Variants in SEPTIN2 observed in about 807,000 individuals in gnomAD.
SEPTIN2 encodes the protein septin 2.
SEPTIN2 carries 34 observed loss-of-function variants against 46.5 expected under a neutral mutation model. The ratio of observed to expected loss-of-function variants is 0.73; its 90% confidence interval spans 0.56 to 0.97. SEPTIN2 has a LOEUF of 0.97. SEPTIN2 is among the 50% of genes least tolerant of loss of function. The pLI is 0.00. For synonymous variants in SEPTIN2, 175 were observed against 153.4 expected (o/e 1.14, Z -1.04); for missense variants, 347 against 448.4 (o/e 0.77, Z 2.04).
At chr2:241,329,923 T>C (rs957118806) in intron 3 of SEPTIN2, among the ~76,000 whole-genome samples, 2 of 152,248 alleles carry the variant, frequency 1.3e-5, no homozygotes, top group Admixed American at 6.5e-5. Context: ...AGGGCAAATA[T>C]TTAGGCTGAA....
chr2:241,349,571 C>G (rs2060598883), intron 11 of SEPTIN2, among the ~76,000 whole-genome samples: 1 of 152,028 alleles, frequency 6.6e-6, no homozygotes, highest in Non-Finnish European at 1.5e-5. Flanking sequence ...GCTTGTAATC[C>G]CAGCACTTTG....
chr2:241,346,380 T>C (rs1375225880), intron 10 of SEPTIN2, 131 bp downstream of exon 10: 1 of 575,948 alleles, frequency 1.7e-6, no homozygotes, highest in East Asian at 3.1e-5. Flanking sequence ...AAAGTTATTA[T>C]AAAAGAGTTG....
At chr2:241,351,667 G>A (rs2060806440) in intron 12 of SEPTIN2, 1 of 152,226 alleles carries the variant, frequency 6.6e-6, no homozygotes, top group African/African-American at 2.4e-5. Context: ...ATTTGAAGCA[G>A]GAAGCAGTGA....
intron 3 of SEPTIN2, among the ~76,000 whole-genome samples, chr2:241,328,449 G>T (rs1379535114): frequency 6.6e-6 from 1 of 151,280 alleles, no homozygotes; most frequent in Non-Finnish European, 1.5e-5. Flanking sequence ...AAATTAAGTA[G>T]AAATTGGCTG....
rs1465847193 is a variant in SEPTIN2, at chr2:241,350,548, TTTGTTAA to T, written c.*29+353_*29+359del. On this transcript the variant is annotated intron_variant, in intron 12 of 12. Coordinates refer to ENST00000391971, the MANE Select transcript of SEPTIN2 (RefSeq NM_004404.5). ...CTTTTATTAGTTGTATTATTGGAAA[TTTGTTAA>T]TTGTTAAAACATCTCTTTAAAGGGA... is the stretch of plus-strand genomic sequence containing the variant. 3.3e-5 allele frequency among the ~76,000 whole-genome samples: 5 copies of T among 152,340 alleles called. No individual in the cohort carries two copies. In the South Asian group the frequency reaches 1.0e-3, roughly 32 times the overall value.
At chr2:241,335,430 G>C in intron 4 of SEPTIN2, 1 of 1,274,708 alleles carries the variant, frequency 7.8e-7, no homozygotes, top group Non-Finnish European at 1.1e-6. Flanking sequence ...ATCCTCTCTT[G>C]AGTTTGTCTG....
chr2:241,318,060 T>C (rs1164190784), intron 1 of SEPTIN2, among the ~76,000 whole-genome samples: 10 of 151,834 alleles, frequency 6.6e-5, no homozygotes. Context: ...TCTTTCACCT[T>C]CCATTTCACA....
chr2:241,335,125 G>A lies in SEPTIN2; in HGVS notation c.131-1G>A, dbSNP rs746204066. 18 of 1,608,142 alleles carry A rather than the reference G, an allele frequency of 1.1e-5. No homozygotes were observed. In the African/African-American group the frequency reaches 1.2e-4, roughly 11 times the overall value. On this transcript the variant is annotated splice_acceptor_variant, in intron 3 of 12. Transcript: ENST00000391971. LOFTEE classifies it high-confidence loss of function. ...GACAAGGTTTTTCTTTTTATTTAAA[G>A]GTGAATCAGGTCTAGGAAAATCGAC...
intron 12 of SEPTIN2, among the ~76,000 whole-genome samples, chr2:241,350,452 T>G (rs916515376): frequency 4.6e-5 from 7 of 152,250 alleles, no homozygotes; most frequent in Non-Finnish European, 1.0e-4. Flanking sequence ...TTTATTTTAT[T>G]GGGGTACATT....
At chr2:241,317,470 T>G (rs2076523066) in intron 1 of SEPTIN2, 1 of 892,624 alleles carries the variant, frequency 1.1e-6, no homozygotes, top group Non-Finnish European at 1.3e-6. Context: ...TAAATGTAAT[T>G]CAGGGCCCCT....
At chr2:241,317,744 T>C (rs2076577303) in intron 1 of SEPTIN2, 1 of 164,874 alleles carries the variant, frequency 6.1e-6, no homozygotes, top group Non-Finnish European at 1.2e-5. Flanking sequence ...AATAAGATCA[T>C]GGACCTTCCG....
chr2:241,331,307 C>G (rs2078969404), intron 3 of SEPTIN2, among the ~76,000 whole-genome samples: 2 of 152,226 alleles, frequency 1.3e-5, no homozygotes, highest in African/African-American at 4.8e-5. Flanking sequence ...ACACTGAAAA[C>G]TACAAAACAG....
chr2:241,349,944 TTATG>T lies in SEPTIN2; in HGVS notation c.985-126_985-123del, dbSNP rs1247764820. 6.3e-6 allele frequency: 5 copies of T among 796,948 alleles called. No homozygotes were observed. The African/African-American group carries it at 8.7e-5, about 14-fold the overall frequency. The allele number at this position is 796,948 out of a possible 1,614,324, so 49.4% of individuals were successfully genotyped here. The stretch of plus-strand genomic sequence containing the variant: ...TTTTTTATTGATTGGTAAAAAGTCT[TTATG>T]TAATAACTCCTGTCATATTTTGGGA... On this transcript the variant is annotated intron_variant, in intron 11 of 12. Coordinates refer to ENST00000391971, the MANE Select transcript of SEPTIN2 (RefSeq NM_004404.5).
intron 3 of SEPTIN2, among the ~76,000 whole-genome samples, chr2:241,327,470 C>G (rs2078183321): frequency 6.9e-6 from 1 of 144,924 alleles, no homozygotes; most frequent in Non-Finnish European, 1.5e-5. Context: ...TGTGAACAGT[C>G]TAATATATGG....
At chr2:241,325,826 G>T in intron 2 of SEPTIN2, 167 bp from the exon 3 acceptor site, 1 of 534,128 alleles carries the variant, frequency 1.9e-6, no homozygotes, top group Non-Finnish European at 3.2e-6. Flanking sequence ...GCTCCTAGTT[G>T]AATACTACTG....
rs1412139138 is a variant in SEPTIN2, at chr2:241,350,067, T to G, written c.985-6T>G. On this transcript the variant is annotated splice_polypyrimidine_tract_variant and splice_region_variant and intron_variant, in intron 11 of 12. Transcript: ENST00000391971. ...GAAAACCTATAATGTGTGTGTGTGTTCACAGCTCCGCCGCATGCAAGAGAT... is the reference window on the plus strand; with the variant it reads ...GAAAACCTATAATGTGTGTGTGTGTGCACAGCTCCGCCGCATGCAAGAGAT... The G allele has an allele frequency of 7.4e-6, 12 of 1,613,336 alleles. No individual in the cohort carries two copies. Among genetic ancestry groups the G allele is most frequent in the Non-Finnish European group, 1.0e-5 (12 of 1,179,568 alleles).
At chr2:241,322,859 G>A (rs1158569480) in intron 1 of SEPTIN2, among the ~76,000 whole-genome samples, 1 of 152,040 alleles carries the variant, frequency 6.6e-6, no homozygotes, top group African/African-American at 2.4e-5. Flanking sequence ...AAAGAGAGAG[G>A]GGAAATGACA....
chr2:241,343,663 G>A, intron 8 of SEPTIN2, 89 bp from the exon 9 acceptor site: 1 of 1,456,322 alleles, frequency 6.9e-7, no homozygotes, highest in South Asian at 1.2e-5. Flanking sequence ...CAACAGCAAT[G>A]TGTTAAGTCT....
chr2:241,325,884 A>T, intron 2 of SEPTIN2, 109 bp from the exon 3 acceptor site: 1 of 1,066,200 alleles, frequency 9.4e-7, no homozygotes, highest in African/African-American at 1.6e-5. Context: ...TACTTTTTAA[A>T]AAATTTGTGA....
Sources: allele counts gnomAD v4.1 joint callset (sites outside exome capture counted in the v4.1 genomes callset), GRCh38; gene constraint gnomAD v4.1.1; transcripts MANE v1.5; gene names NCBI Gene and HGNC (gene_info 2026-07-23, HGNC 2026-07-21).